ERBB2: variants seen among roughly 807,000 people sequenced by gnomAD.
ERBB2 encodes erb-b2 receptor tyrosine kinase 2, also known as receptor tyrosine-protein kinase erbB-2.
In ERBB2, 61 loss-of-function variants were observed where a neutral mutation model predicts 149.0. The observed-to-expected ratio is 0.41, with a 90% CI of 0.33 to 0.51. The LOEUF (loss-of-function observed/expected upper bound fraction) is 0.51, where lower values mean the gene tolerates loss of function less well. Among genes scored for constraint, ERBB2 ranks in the 20% least tolerant of loss-of-function variants. The pLI, the probability that ERBB2 is intolerant of heterozygous loss-of-function variation, is 0.25. For synonymous variants in ERBB2, 633 were observed against 678.8 expected (o/e 0.93, Z 1.05); for missense variants, 1,205 against 1,655.1 (o/e 0.73, Z 4.72).
rs2145522565 is a variant in ERBB2, at chr17:39,710,434, C to T, written c.854C>T (p.Pro285Leu). ...NTDTFESMPN[P>L]EGRYTFGASC... ...GACACGTTTGAGTCCATGCCCAATCCCGAGGGCCGGTATACATTCGGCGCC... is the reference window on the plus strand; with the variant it reads ...GACACGTTTGAGTCCATGCCCAATCTCGAGGGCCGGTATACATTCGGCGCC... Residue 285 changes from proline to leucine, a missense_variant, in exon 7 of 27, where the codon CCC becomes CTC. Coordinates refer to ENST00000269571, the MANE Select transcript of ERBB2 (RefSeq NM_004448.4). 1 of 1,614,100 alleles carries T rather than the reference C, an allele frequency of 6.2e-7. No individual in the cohort carries two copies. The highest frequency in any genetic ancestry group is 1.1e-5 in the South Asian group (1 of 91,090).
upstream of ERBB2, among the ~76,000 whole-genome samples, chr17:39,694,256 T>TATATATGTGTATATATATATATATAC (rs1567888075): frequency 3.7e-4 from 8 of 21,412 alleles, no homozygotes; most frequent in African/African-American, 9.2e-4. Context: ...TATATATATA[T>TATATATGTGTATATATATATATATAC]ATATATATAT....
intron 9 of ERBB2, among the ~76,000 whole-genome samples, chr17:39,714,582 G>T (rs2059007812): frequency 6.6e-6 from 1 of 152,132 alleles, no homozygotes; most frequent in Non-Finnish European, 1.5e-5. Flanking sequence ...GATACTAGGT[G>T]CTCCTAAATG....
At chr17:39,712,657 T>G (rs2058878250) in intron 9 of ERBB2, among the ~76,000 whole-genome samples, 1 of 152,154 alleles carries the variant, frequency 6.6e-6, no homozygotes, top group Non-Finnish European at 1.5e-5. Context: ...AACAAGGACT[T>G]GTATGGAGGT....
At chr17:39,707,266 AG>A in intron 2 of ERBB2, 125 bp downstream of exon 2, 1 of 824,032 alleles carries the variant, frequency 1.2e-6, no homozygotes, top group South Asian at 2.3e-5. Context: ...TTTCTCAACC[AG>A]GAAGTCCTTT....
In ERBB2 at chr17:39,726,540, G is replaced by A. The variant is rs2143127499; in HGVS notation, c.2873-22G>A. 2 of 1,605,840 alleles carry A rather than the reference G, an allele frequency of 1.2e-6. No individual in the cohort carries two copies. Among genetic ancestry groups the A allele is most frequent in the Non-Finnish European group, 1.7e-6 (2 of 1,172,538 alleles). On this transcript the variant is annotated intron_variant, in intron 23 of 26. Transcript: ENST00000269571. This position sits in a 1 kb window ranked among gnomAD's most constrained non-coding sequence, Gnocchi z 5.1. ...AGCACACAGGGCCTGGGACTAGCAT[G>A]CTGACCTCCCTCCTGCCCCAGGTTG... is the stretch of plus-strand genomic sequence containing the variant.
At chr17:39,703,268 C>T (rs1402089563) in intron 1 of ERBB2, 1 of 151,488 alleles carries the variant, frequency 6.6e-6, no homozygotes, top group East Asian at 2.0e-4. Flanking sequence ...GCTGGGAGGG[C>T]TGGGGTGGGG....
chr17:39,724,953 C>A (rs753091915), intron 20 of ERBB2, 42 bp downstream of exon 20: 2 of 1,608,662 alleles, frequency 1.2e-6, no homozygotes, highest in Middle Eastern at 1.7e-4. Flanking sequence ...GGAGCAAACC[C>A]CTATGTCCAC....
chr17:39,715,815 T>C lies in ERBB2; in HGVS notation c.1389T>C (p.Ser463=), dbSNP rs2145654555. The C allele has an allele frequency of 1.2e-6, 2 of 1,611,170 alleles. No homozygotes were observed. The highest frequency in any genetic ancestry group is 2.2e-5 in the East Asian group (1 of 44,888). ...TGCGCTCACTGAGGGAACTGGGCAGTGGACTGGCCCTCATCCACCATAACA... is the reference window on the plus strand; with the variant it reads ...TGCGCTCACTGAGGGAACTGGGCAGCGGACTGGCCCTCATCCACCATAACA... ...LGLRSLRELG[S]GLALIHHNTH... Residue 463 remains serine, a synonymous_variant, in exon 12 of 27, where the codon AGT becomes AGC. Transcript: ENST00000269571.
chr17:39,698,999 C>CACTA (rs2057945771), upstream of ERBB2, among the ~76,000 whole-genome samples: 2 of 151,420 alleles, frequency 1.3e-5, no homozygotes, highest in Non-Finnish European at 2.9e-5. Flanking sequence ...CCCACCCCTA[C>CACTA]CACTAGGCCT....
chr17:39,723,320 C>T lies in ERBB2; in HGVS notation c.1948C>T (p.Pro650Ser), dbSNP rs1332779143. Residue 650 changes from proline to serine, a missense_variant and splice_region_variant, in exon 17 of 27, where the codon CCT becomes TCT. Physicochemically the swap from Pro to Ser is moderately conservative, Grantham distance 74 (BLOSUM62 -1). This residue lies in a region of ERBB2 where 569 missense variants were observed against 803.5 expected (regional missense o/e 0.71). Coordinates refer to ENST00000269571, the MANE Select transcript of ERBB2 (RefSeq NM_004448.4). The surrounding 1 kb of genome is among the most constrained non-coding windows in gnomAD (Gnocchi z 6.2). ...CCTGACCCTGGCTTCCGCCCCCAGC[C>T]CTCTGACGTCCATCATCTCTGCGGT... ...KGCPAEQRAS[P>S]LTSIISAVVG... 1 of 1,614,086 alleles carries T rather than the reference C, an allele frequency of 6.2e-7. No individual in the cohort carries two copies. The highest frequency in any genetic ancestry group is 8.5e-7 in the Non-Finnish European group (1 of 1,179,962).
In ERBB2 at chr17:39,716,355, C is replaced by T. The variant is rs2145676715; in HGVS notation, c.1568C>T (p.Pro523Leu). Residue 523 changes from proline (P) to leucine (L), a missense_variant, in exon 13 of 27, where the codon CCA (proline) becomes CTA (leucine). Physicochemically the swap from Pro to Leu is moderately conservative, Grantham distance 98. Coordinates refer to ENST00000269571, the MANE Select transcript of ERBB2 (RefSeq NM_004448.4). Reference protein sequence around the residue: ...QLCARGHCWGPGPTQCVNCSQ... With the variant: ...QLCARGHCWGLGPTQCVNCSQ... ...TGCGCCCGAGGGCACTGCTGGGGTC[C>T]AGGGCCCACCCAGTGTGTCAACTGC... 1 of 1,608,954 alleles carries T rather than the reference C, an allele frequency of 6.2e-7. No individual in the cohort carries two copies. Among genetic ancestry groups the T allele is most frequent in the Non-Finnish European group, 8.5e-7 (1 of 1,177,852 alleles).
chr17:39,691,904 TATATAC>T (rs1193736981), upstream of ERBB2, among the ~76,000 whole-genome samples: 251 of 114,500 alleles, frequency 2.2e-3, 1 homozygote, highest in African/African-American at 5.0e-3. Context: ...GATATAGATA[TATATAC>T]ATATACATAT....
At chr17:39,691,574 T>TATATATATATATACACACAC (rs1244087250), upstream of ERBB2, among the ~76,000 whole-genome samples, 1 of 122,062 alleles carries the variant, frequency 8.2e-6, no homozygotes, top group African/African-American at 4.0e-5. Flanking sequence ...TATATATATA[T>TATATATATATATACACACAC]ACACACACAC....
chr17:39,699,721 A>C, upstream of ERBB2: 1 of 695,232 alleles, frequency 1.4e-6, no homozygotes, highest in Non-Finnish European at 2.5e-6. Flanking sequence ...TTTAAGATAA[A>C]ACCTGAGACT....
intron 15 of ERBB2, among the ~76,000 whole-genome samples, chr17:39,718,489 G>A (rs1419613310): frequency 1.3e-5 from 2 of 152,188 alleles, no homozygotes; most frequent in African/African-American, 4.8e-5. Flanking sequence ...TAAGATTGCT[G>A]TTTGTGTAAA....
Position 39,723,373 on chromosome 17 carries a change from G to A in ERBB2, c.2001G>A (p.Leu667=), listed in dbSNP as rs773610266. Residue 667 remains leucine, a synonymous_variant, in exon 17 of 27, where the codon TTG becomes TTA. Coordinates refer to ENST00000269571, the MANE Select transcript of ERBB2 (RefSeq NM_004448.4). The surrounding 1 kb of genome is among the most constrained non-coding windows in gnomAD (Gnocchi z 6.2). ...TTGGCATTCTGCTGGTCGTGGTCTT[G>A]GGGGTGGTCTTTGGGATCCTCATCA... ...AVVGILLVVV[L]GVVFGILIKR... 1 of 1,614,092 alleles carries A rather than the reference G, an allele frequency of 6.2e-7. No individual in the cohort carries two copies. Among genetic ancestry groups the A allele is most frequent in the South Asian group, 1.1e-5 (1 of 91,074 alleles).
At chr17:39,701,111 T>C (rs1218993595) in intron 1 of ERBB2, among the ~76,000 whole-genome samples, 1 of 152,062 alleles carries the variant, frequency 6.6e-6, no homozygotes, top group African/African-American at 2.4e-5. Context: ...AGGGCTGCGT[T>C]GTTCTGCTGC....
rs1377436683 is a variant in ERBB2 at position 39,700,095 on chromosome 17, G to C, written c.-144G>C. ...CATTGGGACCGGAGAAACCAGGGGA[G>C]CCCCCCGGGCAGCCGCGCGCCCCTT... is the stretch of plus-strand genomic sequence containing the variant. On this transcript the variant is annotated 5_prime_UTR_variant, in exon 1 of 27. Transcript: ENST00000269571. 2.3e-5 allele frequency: 30 copies of C among 1,278,804 alleles called. No homozygotes were observed. Among genetic ancestry groups the C allele is most frequent in the Admixed American group, 4.2e-5 (1 of 23,762 alleles). 79.2% of individuals were successfully genotyped at this position (1,278,804 alleles called of 1,614,324 possible). A position where few individuals can be genotyped will look rare whatever the true frequency, so the allele number is the denominator to read the frequency against.
chr17:39,711,667 C>T (rs184636363), intron 7 of ERBB2, among the ~76,000 whole-genome samples: 6 of 152,300 alleles, frequency 3.9e-5, no homozygotes, highest in Admixed American at 2.0e-4. Context: ...TTCAAATCCT[C>T]GCTCCTCCAC....
Sources: allele counts gnomAD v4.1 joint callset (sites outside exome capture counted in the v4.1 genomes callset), GRCh38; gene constraint gnomAD v4.1.1; regional missense constraint gnomAD v4.1.1; non-coding constraint Gnocchi (gnomAD v3.1); transcripts MANE v1.5; gene names NCBI Gene and HGNC (gene_info 2026-07-23, HGNC 2026-07-21).